NIN: variants seen among roughly 807,000 people sequenced by gnomAD.
NIN encodes the protein ninein, also known as glycogen synthase kinase 3 beta-interacting protein.
In NIN, 137 loss-of-function variants were observed where a neutral mutation model predicts 257.6. That is an observed-to-expected ratio of 0.53 (90% confidence interval 0.46 to 0.61). The LOEUF is 0.61. Ranked by LOEUF, NIN falls within the 20% of genes least tolerant of loss-of-function variation. The probability of loss-of-function intolerance (pLI) is 0.00; values close to 1 mark genes in which losing one functional copy is unlikely to be tolerated. For synonymous variants in NIN, 918 were observed against 919.8 expected (o/e 1.00, Z 0.04); for missense variants, 2,439 against 2,501.2 (o/e 0.98, Z 0.53).
chr14:50,751,197 A>C (rs2041774273), intron 21 of NIN, among the ~76,000 whole-genome samples: 1 of 152,078 alleles, frequency 6.6e-6, no homozygotes, highest in South Asian at 2.1e-4. Context: ...TGTTGTTTCC[A>C]CCATTTTGCA....
At chr14:50,804,155 C>T (rs1205921143) in intron 4 of NIN, among the ~76,000 whole-genome samples, 11 of 152,138 alleles carry the variant, frequency 7.2e-5, no homozygotes, top group Admixed American at 7.2e-4. Flanking sequence ...CCTTGGCCTC[C>T]CAAAGTGCTG....
At position 50,720,238 on chromosome 14, in the gene NIN, G is replaced by A. The variant is rs1346485984; in HGVS notation, c.*3225C>T. 4 of 222,680 alleles carry A rather than the reference G, an allele frequency of 1.8e-5. No individual in the cohort carries two copies. The highest frequency in any genetic ancestry group is 3.6e-5 in the Non-Finnish European group (4 of 111,462). 13.8% of individuals were successfully genotyped at this position (222,680 alleles called of 1,614,324 possible). On this transcript the variant is annotated 3_prime_UTR_variant, in exon 31 of 31. Coordinates refer to ENST00000530997, the MANE Select transcript of NIN (RefSeq NM_020921.4). The stretch of plus-strand genomic sequence containing the variant: ...ACTTGTATAATTATATCATTCCAAT[G>A]AGTCACTACAGGTAATCCATTCAAA...
intron 12 of NIN, among the ~76,000 whole-genome samples, chr14:50,769,394 A>G (rs538978615): frequency 1.3e-5 from 2 of 152,120 alleles, no homozygotes; most frequent in Non-Finnish European, 2.9e-5. Context: ...GAAAGAGGGG[A>G]GGATGTTTGA....
chr14:50,763,768 C>G, intron 15 of NIN, 58 bp downstream of exon 15: 1 of 1,477,592 alleles, frequency 6.8e-7, no homozygotes, highest in Non-Finnish European at 9.3e-7. Flanking sequence ...TTATATTGAA[C>G]CACGTTTCTA....
At chr14:50,806,607 C>T in intron 4 of NIN, 130 bp downstream of exon 4, 3 of 536,348 alleles carry the variant, frequency 5.6e-6, no homozygotes, top group Non-Finnish European at 9.9e-6. Flanking sequence ...AGAGAAGTCA[C>T]CGAAAATAAC....
chr14:50,735,213 A>C (rs1055293090), intron 28 of NIN, among the ~76,000 whole-genome samples: 3 of 152,176 alleles, frequency 2.0e-5, no homozygotes, highest in Non-Finnish European at 4.4e-5. Context: ...GGTGATGGCA[A>C]GAGTGCTCAG....
chr14:50,776,459 C>T (rs781391968), intron 7 of NIN, among the ~76,000 whole-genome samples: 2 of 152,164 alleles, frequency 1.3e-5, no homozygotes, highest in Admixed American at 1.3e-4. Context: ...TTTAGCTCCT[C>T]GTCAGCAAGC....
chr14:50,762,624 A>G (rs1595804055), intron 15 of NIN, among the ~76,000 whole-genome samples: 1 of 152,250 alleles, frequency 6.6e-6, no homozygotes, highest in East Asian at 1.9e-4. Flanking sequence ...GCATGAGCTC[A>G]TCTCTGCAAC....
chr14:50,804,747 T>C (rs1252734092), intron 4 of NIN, among the ~76,000 whole-genome samples: 2 of 152,004 alleles, frequency 1.3e-5, no homozygotes, highest in Non-Finnish European at 2.9e-5. Context: ...AGAATTGTCT[T>C]GGGCCACACA....
intron 30 of NIN, chr14:50,724,028 G>A (rs1185556307): frequency 4.1e-6 from 1 of 246,606 alleles, no homozygotes; most frequent in Non-Finnish European, 7.9e-6. Flanking sequence ...GGTGTCAGGT[G>A]TGGACTGTTT....
chr14:50,770,977 C>G lies in NIN; in HGVS notation c.1134G>C (p.Gln378His), dbSNP rs902676257. The G allele has an allele frequency of 1.9e-5, 31 of 1,613,926 alleles. No individual in the cohort carries two copies. Among genetic ancestry groups the G allele is most frequent in the Non-Finnish European group, 2.6e-5 (31 of 1,179,982 alleles). Reference sequence around the variant, plus strand: ...GTAGCTTCTCTTTTTCTCTGACCACCTGATCAACTCGTTCCCTAGGATCAG... The same window carrying G: ...GTAGCTTCTCTTTTTCTCTGACCACGTGATCAACTCGTTCCCTAGGATCAG... ...EIRHLLERVD[Q>H]VVREKEKLRS... The change falls in exon 11 of 31, where the codon CAG (glutamine) becomes CAC (histidine). Residue 378 changes from glutamine (Q) to histidine (H), a missense_variant. Gln to His is a conservative substitution (Grantham distance 24). This residue lies in a region of NIN where 2,043 missense variants were observed against 2,050.2 expected (regional missense o/e 1.00). Transcript: ENST00000530997.
rs144587944 is a variant in NIN, at chr14:50,772,964, C to T, written c.798G>A (p.Arg266=). 6.2e-7 allele frequency: 1 copy of T among 1,609,790 alleles called. No homozygotes were observed. The highest frequency in any genetic ancestry group is 8.5e-7 in the Non-Finnish European group (1 of 1,178,906). ...SASTPYRQLK[R]HLSMQSFDES... is the part of the protein sequence containing the mutation. The stretch of plus-strand genomic sequence containing the variant: ...TATTTTTTACCTGCATGGAAAGGTG[C>T]CTTTTTAGTTGTCTATATGGAGTAG... The change falls in exon 8 of 31, where the codon AGG becomes AGA. Residue 266 remains arginine, a synonymous_variant. Coordinates refer to ENST00000530997, the MANE Select transcript of NIN (RefSeq NM_020921.4).
intron 16 of NIN, 127 bp from the exon 17 acceptor site, chr14:50,760,486 T>C (rs1033700409): frequency 9.8e-7 from 1 of 1,015,566 alleles, no homozygotes; most frequent in Non-Finnish European, 1.4e-6. Context: ...CATTTCTCTA[T>C]CTTGTTTTAA....
intron 28 of NIN, chr14:50,730,874 A>G: frequency 1.5e-6 from 2 of 1,301,628 alleles, no homozygotes; most frequent in Non-Finnish European, 2.0e-6. Flanking sequence ...CAAGGGGTTT[A>G]ATGAGATGGC....
chr14:50,764,522 G>A (rs895471486), intron 14 of NIN, among the ~76,000 whole-genome samples: 2 of 151,994 alleles, frequency 1.3e-5, no homozygotes, highest in African/African-American at 4.8e-5. Flanking sequence ...ATACAAAAAC[G>A]TGCGCACAAA....
At chr14:50,763,686 A>G in intron 15 of NIN, 140 bp downstream of exon 15, 1 of 653,008 alleles carries the variant, frequency 1.5e-6, no homozygotes, top group Non-Finnish European at 2.5e-6. Context: ...CAAGTGAAAC[A>G]GCTCAAGAAA....
rs752189738 is a variant in NIN at position 50,748,131 on chromosome 14, T to C, written c.4951-26A>G. 61 of 1,470,084 alleles carry C rather than the reference T, an allele frequency of 4.1e-5. 1 individual carries two copies. In the South Asian group the frequency reaches 5.5e-4, roughly 13 times the overall value. The allele number at this position is 1,470,084 out of a possible 1,614,324, so 91.1% of individuals were successfully genotyped here. On this transcript the variant is annotated intron_variant, in intron 21 of 30. Coordinates refer to ENST00000530997, the MANE Select transcript of NIN (RefSeq NM_020921.4). The stretch of plus-strand genomic sequence containing the variant: ...CTAAGAGAAAAATGAAAAAGTCAAA[T>C]AACAGACATACATATTTAGGCTGGG...
At chr14:50,778,718 C>G (rs770055078) in intron 6 of NIN, 47 bp downstream of exon 6, 2 of 1,583,816 alleles carry the variant, frequency 1.3e-6, no homozygotes, top group African/African-American at 1.3e-5. Context: ...GGAGAGCACC[C>G]GGCGGCCCTT....
rs568847851 is a variant in NIN, at chr14:50,731,545, A to G, written c.5878-1822T>C. Among the ~76,000 whole-genome samples the G allele has an allele frequency of 1.1e-3, 168 of 151,650 alleles. 3 individuals are homozygous for G. The South Asian group carries it at 0.032, about 29-fold the overall frequency. On this transcript the variant is annotated intron_variant, in intron 28 of 30. Transcript: ENST00000530997. The stretch of plus-strand genomic sequence containing the variant: ...CTCCATCTCAAAAAAAAAAAAAAAA[A>G]AAAAATTAGGTCGCGTATGGTGGCT...
Sources: allele counts gnomAD v4.1 joint callset (sites outside exome capture counted in the v4.1 genomes callset), GRCh38; gene constraint gnomAD v4.1.1; regional missense constraint gnomAD v4.1.1; transcripts MANE v1.5; gene names NCBI Gene and HGNC (gene_info 2026-07-23, HGNC 2026-07-21).